The following CASK variants were observed in gnomAD, a reference collection of about 807,000 sequenced individuals.
CASK encodes the protein peripheral plasma membrane protein CASK.
A neutral mutation model predicts 82.9 loss-of-function variants in CASK; 4 were observed. The observed-to-expected ratio is 0.05, with a 90% CI of 0.02 to 0.11. CASK has a LOEUF of 0.11. Ranked by LOEUF, CASK falls within the 10% of genes least tolerant of loss-of-function variation. CASK has a pLI of 1.00. For missense variants in CASK, 358 were observed against 720.9 expected (o/e 0.50, Z 5.76); for synonymous variants, 259 against 253.5 (o/e 1.02, Z -0.20).
chrX:41,923,528 C>G lies in CASK; in HGVS notation c.-540G>C, dbSNP rs1262498623. On this transcript the variant is annotated 5_prime_UTR_variant, in exon 1 of 27. Coordinates refer to ENST00000378163, the MANE Select transcript of CASK (RefSeq NM_001367721.1). ...CGCTCCCTCCTCTTTCTCCTCCTCC[C>G]GCAGCCGCCACCGCCCGCCCGGGAG... 2 of 111,432 alleles carry G rather than the reference C, an allele frequency of 1.8e-5. No homozygotes were observed. The highest frequency in any genetic ancestry group is 3.8e-5 in the Non-Finnish European group (2 of 52,725). The allele number at this position is 111,432 out of a possible 1,213,427, so 9.2% of individuals were successfully genotyped here.
chrX:41,851,258 T>C (rs939352270), intron 2 of CASK, among the ~76,000 whole-genome samples: 1 of 111,689 alleles, frequency 9.0e-6, no homozygotes, highest in African/African-American at 3.3e-5. Flanking sequence ...GAGGGATCAA[T>C]AGAATGGGTG....
intron 1 of CASK, among the ~76,000 whole-genome samples, chrX:41,918,448 A>C (rs868287962): frequency 6.2e-5 from 7 of 112,511 alleles, no homozygotes; most frequent in African/African-American, 2.3e-4. Flanking sequence ...GTACAAACAC[A>C]ATCCATACTA....
At chrX:41,801,579 G>A (rs1028489205) in intron 2 of CASK, among the ~76,000 whole-genome samples, 19 of 111,715 alleles carry the variant, frequency 1.7e-4, no homozygotes, top group African/African-American at 4.2e-4. Context: ...TAAGAAGCAC[G>A]CTGATATGCC....
At chrX:41,712,520 GA>G (rs1479103615) in intron 5 of CASK, among the ~76,000 whole-genome samples, 2 of 112,418 alleles carry the variant, frequency 1.8e-5, no homozygotes, top group African/African-American at 6.5e-5. Flanking sequence ...AAAAATATCA[GA>G]CCTAACCAAC....
At chrX:41,844,069 C>T (rs1040370670) in intron 2 of CASK, among the ~76,000 whole-genome samples, 2 of 111,353 alleles carry the variant, frequency 1.8e-5, no homozygotes, top group African/African-American at 6.5e-5. Flanking sequence ...GGTCATATAA[C>T]CTTAGATTTA....
At chrX:41,699,167 C>T (rs924839910) in intron 5 of CASK, among the ~76,000 whole-genome samples, 10 of 111,318 alleles carry the variant, frequency 9.0e-5, no homozygotes, top group African/African-American at 3.3e-4. Flanking sequence ...TCAAGTGATC[C>T]ACCCACCTTG....
rs761779653 is a variant in CASK, at chrX:41,849,649, AT to A, written c.172+3465del. 6.2e-5 allele frequency among the ~76,000 whole-genome samples: 7 copies of A among 112,046 alleles called. No individual in the cohort carries two copies. The East Asian group carries it at 2.0e-3, about 31-fold the overall frequency. ...AAAAATAAACATAATTCTGCTTACTATTTCAAGGGATTATTGAATAGTCGGC... is the reference window on the plus strand; with the variant it reads ...AAAAATAAACATAATTCTGCTTACTATTCAAGGGATTATTGAATAGTCGGC... On this transcript the variant is annotated intron_variant, in intron 2 of 26. Transcript: ENST00000378163.
At chrX:41,866,136 C>A (rs887345702) in intron 1 of CASK, among the ~76,000 whole-genome samples, 5 of 112,457 alleles carry the variant, frequency 4.4e-5, no homozygotes, top group Non-Finnish European at 7.5e-5. Context: ...GTTGGCAGAA[C>A]AAACCACCCG....
intron 5 of CASK, among the ~76,000 whole-genome samples, chrX:41,694,894 T>C (rs2067649652): frequency 8.9e-6 from 1 of 111,992 alleles, no homozygotes; most frequent in African/African-American, 3.2e-5. Flanking sequence ...CATGTAGCAA[T>C]ACATGTCAAA....
At chrX:41,547,075 C>A (rs1444070071) in intron 21 of CASK, among the ~76,000 whole-genome samples, 1 of 110,093 alleles carries the variant, frequency 9.1e-6, no homozygotes, top group African/African-American at 3.3e-5. Context: ...TGATTACAGG[C>A]ACCCGCCACC....
intron 5 of CASK, among the ~76,000 whole-genome samples, chrX:41,681,676 AGGAAAG>A (rs1293828371): frequency 8.9e-6 from 1 of 111,767 alleles, no homozygotes; most frequent in Non-Finnish European, 1.9e-5. Context: ...TAAGAAACAG[AGGAAAG>A]TCATGACATT....
At chrX:41,801,117 GA>G (rs931329893) in intron 2 of CASK, among the ~76,000 whole-genome samples, 2 of 111,092 alleles carry the variant, frequency 1.8e-5, no homozygotes, top group East Asian at 2.8e-4. Flanking sequence ...CAAAGGAGGG[GA>G]AAAAAAAGCA....
intron 9 of CASK, among the ~76,000 whole-genome samples, chrX:41,629,762 T>A (rs1602375978): frequency 8.9e-6 from 1 of 111,982 alleles, no homozygotes; most frequent in African/African-American, 3.2e-5. Context: ...AGGCAGTGGG[T>A]TGGATTTGAC....
At position 41,923,002 on chromosome X, in the gene CASK, T is replaced by G; in HGVS notation, c.-14A>C. 1 of 1,206,829 alleles carries G rather than the reference T, an allele frequency of 8.3e-7. No homozygotes were observed. The highest frequency in any genetic ancestry group is 1.8e-5 in the South Asian group (1 of 56,848). On this transcript the variant is annotated 5_prime_UTR_variant, in exon 1 of 27. Coordinates refer to ENST00000378163, the MANE Select transcript of CASK (RefSeq NM_001367721.1). Reference sequence around the variant, plus strand: ...GTCGTCGGCCATGGTCCGGAGGGGATAGCGGCCGCAGCGTGGAGGGCTTCG... The same window carrying G: ...GTCGTCGGCCATGGTCCGGAGGGGAGAGCGGCCGCAGCGTGGAGGGCTTCG...
chrX:41,781,350 C>A (rs1366507562), intron 3 of CASK, among the ~76,000 whole-genome samples: 2 of 112,462 alleles, frequency 1.8e-5, no homozygotes, highest in Admixed American at 9.4e-5. Flanking sequence ...TAGTCTGTGG[C>A]AAAGACAGAT....
intron 5 of CASK, among the ~76,000 whole-genome samples, chrX:41,678,846 T>A (rs2067308058): frequency 9.0e-6 from 1 of 111,083 alleles, no homozygotes; most frequent in Non-Finnish European, 1.9e-5. Flanking sequence ...TATCCTTCTA[T>A]CCATCTTACT....
In CASK at chrX:41,879,216, C is replaced by T. The variant is rs915897530; in HGVS notation, c.60-25989G>A. ...GTTATTACACTAAACAAAATTGAAA[C>T]TTTTTCAAAAAGTACTACAAGAGTA... On this transcript the variant is annotated intron_variant, in intron 1 of 26. Coordinates refer to ENST00000378163, the MANE Select transcript of CASK (RefSeq NM_001367721.1). 1.1e-3 allele frequency among the ~76,000 whole-genome samples: 118 copies of T among 110,936 alleles called. 1 individual carries two copies. The highest frequency in any genetic ancestry group is 2.7e-4 in the Non-Finnish European group (14 of 52,830).
chrX:41,523,774 G>C (rs1157203475), intron 26 of CASK, among the ~76,000 whole-genome samples, 177 bp downstream of exon 26: 1 of 112,190 alleles, frequency 8.9e-6, no homozygotes, highest in Admixed American at 9.4e-5. Context: ...GAGGGTGTTT[G>C]TCCTCAGATT....
At chrX:41,537,890 G>A (rs2064897322) in intron 22 of CASK, among the ~76,000 whole-genome samples, 1 of 107,594 alleles carries the variant, frequency 9.3e-6, no homozygotes, top group African/African-American at 3.4e-5. Flanking sequence ...CACCCAGGCT[G>A]GAGTGCAGTG....
Sources: gnomAD v4.1 joint callset for allele counts (sites outside exome capture counted in the v4.1 genomes callset) on GRCh38, gnomAD v4.1.1 for gene constraint, MANE v1.5 for transcripts, NCBI Gene and HGNC (gene_info 2026-07-23, HGNC 2026-07-21) for gene names.